Variants in METTL25 observed in about 807,000 individuals in gnomAD.
METTL25 encodes probable methyltransferase-like protein 25.
METTL25 carries 64 observed loss-of-function variants against 71.6 expected under a neutral mutation model. The observed-to-expected ratio is 0.89, with a 90% CI of 0.73 to 1.10. METTL25 has a LOEUF of 1.10. METTL25 is among the 50% of genes least tolerant of loss of function. The probability of loss-of-function intolerance (pLI) is 0.00; values close to 1 mark genes in which losing one functional copy is unlikely to be tolerated. For missense variants in METTL25, 807 were observed against 707.0 expected (o/e 1.14, Z -1.60); for synonymous variants, 287 against 250.3 (o/e 1.15, Z -1.38).
intron 1 of METTL25, among the ~76,000 whole-genome samples, chr12:82,381,786 C>A (rs949214576): frequency 3.9e-5 from 6 of 152,320 alleles, no homozygotes; most frequent in African/African-American, 1.4e-4. Flanking sequence ...TTTAAGTTTG[C>A]ATTGAATAAA....
intron 11 of METTL25, 115 bp downstream of exon 11, chr12:82,477,467 CATT>C (rs1363540050): frequency 2.1e-6 from 1 of 479,520 alleles, no homozygotes; most frequent in Non-Finnish European, 3.7e-6. Context: ...AAATTTTTCT[CATT>C]ATATTTTCAT....
intron 5 of METTL25, among the ~76,000 whole-genome samples, chr12:82,417,753 G>C (rs1048806592): frequency 3.1e-4 from 47 of 152,120 alleles, no homozygotes; most frequent in Admixed American, 1.4e-3. Context: ...TAGTACATCA[G>C]ATGGTGATAA....
chr12:82,377,888 G>C (rs549926073), intron 1 of METTL25, among the ~76,000 whole-genome samples: 1 of 152,246 alleles, frequency 6.6e-6, no homozygotes, highest in South Asian at 2.1e-4. Flanking sequence ...TACAATTTTA[G>C]GTGATTCATA....
At chr12:82,475,636 C>T (rs2052417190) in intron 9 of METTL25, among the ~76,000 whole-genome samples, 1 of 152,086 alleles carries the variant, frequency 6.6e-6, no homozygotes, top group Non-Finnish European at 1.5e-5. Context: ...ATTTAATTGA[C>T]AGCAGTTTCT....
intron 9 of METTL25, among the ~76,000 whole-genome samples, chr12:82,464,994 CT>C (rs1429929550): frequency 1.3e-5 from 2 of 151,438 alleles, no homozygotes; most frequent in African/African-American, 4.8e-5. Flanking sequence ...AGTTCTAAGA[CT>C]TTTTTTGGTA....
intron 8 of METTL25, among the ~76,000 whole-genome samples, chr12:82,446,145 A>G (rs180825703): frequency 1.6e-4 from 24 of 152,346 alleles, no homozygotes; most frequent in African/African-American, 5.3e-4. Flanking sequence ...ATGTATGTGC[A>G]CCCAGCACCA....
chr12:82,414,447 TA>T (rs1269557354), intron 5 of METTL25, among the ~76,000 whole-genome samples: 1 of 152,200 alleles, frequency 6.6e-6, no homozygotes, highest in Non-Finnish European at 1.5e-5. Flanking sequence ...ATATTTTGCT[TA>T]TTTTTTTCTT....
At chr12:82,477,425 G>T in intron 11 of METTL25, 73 bp downstream of exon 11, 1 of 703,222 alleles carries the variant, frequency 1.4e-6, no homozygotes. Flanking sequence ...CTTATATCTA[G>T]GATAAGAGTC....
chr12:82,447,093 A>G (rs931811799), intron 8 of METTL25, among the ~76,000 whole-genome samples: 3 of 152,154 alleles, frequency 2.0e-5, no homozygotes, highest in Non-Finnish European at 2.9e-5. Context: ...CCAAAATTCT[A>G]AAGAAAGAAA....
chr12:82,437,925 A>T (rs1890039485), intron 7 of METTL25, among the ~76,000 whole-genome samples: 1 of 151,634 alleles, frequency 6.6e-6, no homozygotes, highest in Non-Finnish European at 1.5e-5. Context: ...CAATATCGAG[A>T]TCTGTGGGGA....
At chr12:82,454,103 T>G (rs1283891520) in intron 8 of METTL25, among the ~76,000 whole-genome samples, 2 of 152,094 alleles carry the variant, frequency 1.3e-5, no homozygotes, top group African/African-American at 2.4e-5. Context: ...ATAAAAAATC[T>G]AATATTCTCT....
intron 8 of METTL25, among the ~76,000 whole-genome samples, chr12:82,444,908 G>A (rs1230555290): frequency 6.6e-6 from 1 of 152,010 alleles, no homozygotes; most frequent in Non-Finnish European, 1.5e-5. Flanking sequence ...ATGGAAACCA[G>A]GTATTGCTAT....
chr12:82,469,922 G>A (rs556073606), intron 9 of METTL25, among the ~76,000 whole-genome samples: 114 of 152,220 alleles, frequency 7.5e-4, no homozygotes, highest in African/African-American at 2.6e-3. Flanking sequence ...ACTCTGTGTA[G>A]TCAGCCTCAT....
intron 8 of METTL25, among the ~76,000 whole-genome samples, chr12:82,453,212 C>A (rs1891268427): frequency 6.6e-6 from 1 of 151,936 alleles, no homozygotes; most frequent in East Asian, 1.9e-4. Flanking sequence ...ATTTAGTATC[C>A]CATAGGTTCA....
At position 82,479,202 on chromosome 12, in the gene METTL25, A is replaced by C. The variant is rs1034632968; in HGVS notation, c.*178A>C. On this transcript the variant is annotated 3_prime_UTR_variant, in exon 12 of 12. Coordinates refer to ENST00000248306, the MANE Select transcript of METTL25 (RefSeq NM_032230.3). ...ATCCATTTTTCCATTGTCAAAGCAT[A>C]CATTAATAAAAGAAGAACCTGTCAT... The C allele has an allele frequency of 4.0e-6, 2 of 503,726 alleles. No individual in the cohort carries two copies. The highest frequency in any genetic ancestry group is 1.9e-5 in the African/African-American group (1 of 52,372). The allele number at this position is 503,726 out of a possible 1,614,324, so 31.2% of individuals were successfully genotyped here. A position where few individuals can be genotyped will look rare whatever the true frequency, so the allele number is the denominator to read the frequency against.
intron 5 of METTL25, among the ~76,000 whole-genome samples, chr12:82,415,642 C>G (rs111913830): frequency 1.4e-3 from 206 of 152,166 alleles, no homozygotes; most frequent in African/African-American, 4.8e-3. Context: ...CAAGAGAAGA[C>G]GGATGTCTCA....
intron 7 of METTL25, among the ~76,000 whole-genome samples, chr12:82,436,115 G>GT (rs1431707057): frequency 1.3e-4 from 20 of 151,358 alleles, no homozygotes; most frequent in Admixed American, 9.9e-4. Flanking sequence ...TTCATGTGGT[G>GT]TTTTTTTAAT....
chr12:82,472,619 G>T (rs1892637256), intron 9 of METTL25, among the ~76,000 whole-genome samples: 1 of 151,912 alleles, frequency 6.6e-6, no homozygotes, highest in Non-Finnish European at 1.5e-5. Context: ...ATTCTGCTTG[G>T]TCTGTTCTGT....
At chr12:82,377,539 A>G (rs1242516067) in intron 1 of METTL25, among the ~76,000 whole-genome samples, 1 of 152,222 alleles carries the variant, frequency 6.6e-6, no homozygotes, top group Admixed American at 6.5e-5. Context: ...ACTGGAGAGT[A>G]AAGTTTAGTT....
Sources: allele counts gnomAD v4.1 joint callset (sites outside exome capture counted in the v4.1 genomes callset), GRCh38; gene constraint gnomAD v4.1.1; transcripts MANE v1.5; gene names NCBI Gene and HGNC (gene_info 2026-07-23, HGNC 2026-07-21).